CPNE7: variants seen among roughly 807,000 people sequenced by gnomAD.
CPNE7 encodes the protein copine-7.
CPNE7 carries 78 observed loss-of-function variants against 66.5 expected under a neutral mutation model. The observed-to-expected ratio is 1.17, with a 90% CI of 0.98 to 1.42. The LOEUF (loss-of-function observed/expected upper bound fraction) is 1.42, where lower values mean the gene tolerates loss of function less well. Among genes scored for constraint, CPNE7 ranks in the 40% most tolerant of loss-of-function variants. CPNE7 has a pLI of 0.00. For missense variants in CPNE7, 1,012 were observed against 776.6 expected, an observed-to-expected ratio of 1.30 and a Z score of -3.60; for synonymous variants, 468 against 336.7, an observed-to-expected ratio of 1.39 and a Z score of -4.27.
chr16:89,579,592 AGAACATCCCTTCACCCATCACACG>A (rs2058916066), intron 2 of CPNE7, among the ~76,000 whole-genome samples: 1 of 148,632 alleles, frequency 6.7e-6, no homozygotes, highest in African/African-American at 2.5e-5. Context: ...CCCGTCACAC[AGAACATCCCTTCACCCATCACACG>A]GAACATCCCA....
At chr16:89,590,963 G>A (rs2059158025) in intron 11 of CPNE7, 44 bp from the exon 12 acceptor site, 5 of 1,610,820 alleles carry the variant, frequency 3.1e-6, no homozygotes, top group Non-Finnish European at 3.4e-6. Flanking sequence ...CCAGTGGGGT[G>A]TGTTGCAACG....
At position 89,583,685 on chromosome 16, in the gene CPNE7, T is replaced by C. The variant is rs1055666923; in HGVS notation, c.358-12T>C. On this transcript the variant is annotated splice_polypyrimidine_tract_variant and intron_variant, in intron 2 of 14. Coordinates refer to ENST00000319518, the MANE Select transcript of CPNE7 (RefSeq NM_153636.3). ...CGCCTGCCCCTCCCTGCCTGACGCCTCTGACTTACAGATTGTGGCCCAGAA... is the reference window on the plus strand; with the variant it reads ...CGCCTGCCCCTCCCTGCCTGACGCCCCTGACTTACAGATTGTGGCCCAGAA... 1 of 1,612,714 alleles carries C rather than the reference T, an allele frequency of 6.2e-7. No homozygotes were observed. Among genetic ancestry groups the C allele is most frequent in the Non-Finnish European group, 8.5e-7 (1 of 1,179,872 alleles).
chr16:89,587,084 C>T lies in CPNE7; in HGVS notation c.909C>T (p.Gly303=). 1 of 1,572,656 alleles carries T rather than the reference C, an allele frequency of 6.4e-7. No individual in the cohort carries two copies. Among genetic ancestry groups the T allele is most frequent in the Non-Finnish European group, 8.6e-7 (1 of 1,159,526 alleles). ...VYSFLDYIMG[G]CQIHFTVAID... ...CCTTCCTGGACTATATCATGGGCGG[C>T]TGCCAGATCCACTTCACCGTGAGTC... Residue 303 remains glycine (G), a synonymous_variant, in exon 9 of 15, where the codon GGC becomes GGT. Coordinates refer to ENST00000319518, the MANE Select transcript of CPNE7 (RefSeq NM_153636.3).
intron 13 of CPNE7, among the ~76,000 whole-genome samples, chr16:89,594,476 G>A (rs2151462198): frequency 6.6e-6 from 1 of 152,152 alleles, no homozygotes; most frequent in African/African-American, 2.4e-5. Context: ...AGTGGGACGG[G>A]CTCAGTCAAG....
At position 89,576,531 on chromosome 16, in the gene CPNE7, C is replaced by G. The variant is rs1474706638; in HGVS notation, c.174+460C>G. On this transcript the variant is annotated intron_variant, in intron 1 of 14. Coordinates refer to ENST00000319518, the MANE Select transcript of CPNE7 (RefSeq NM_153636.3). ...CGGACCTCCAGGCGTCCGGGGCTCC[C>G]GCTCCAACGTGGGTCTCAAGCGAAC... Among the ~76,000 whole-genome samples the G allele has an allele frequency of 3.9e-5, 6 of 152,250 alleles. No individual in the cohort carries two copies. The East Asian group carries it at 1.2e-3, about 29-fold the overall frequency.
At position 89,585,363 on chromosome 16, in the gene CPNE7, G is replaced by A. The variant is rs1161229429; in HGVS notation, c.592-101G>A. ...CTGGGGTGATGCAGGGGCAGGGCCA[G>A]CTGTGCCCGCCTCACAGCTGCTCTT... On this transcript the variant is annotated intron_variant, in intron 5 of 14. Coordinates refer to ENST00000319518, the MANE Select transcript of CPNE7 (RefSeq NM_153636.3). 6 of 820,436 alleles carry A rather than the reference G, an allele frequency of 7.3e-6. No individual in the cohort carries two copies. The East Asian group carries it at 1.6e-4, about 22-fold the overall frequency. The allele number at this position is 820,436 out of a possible 1,614,324, so 50.8% of individuals were successfully genotyped here. A position where few individuals can be genotyped will look rare whatever the true frequency, so the allele number is the denominator to read the frequency against.
At chr16:89,594,566 C>T (rs2059222731) in intron 13 of CPNE7, among the ~76,000 whole-genome samples, 2 of 151,516 alleles carry the variant, frequency 1.3e-5, no homozygotes, top group African/African-American at 4.9e-5. Context: ...TCCCGTTGTC[C>T]ACAGTTTGGG....
Position 89,596,804 on chromosome 16 carries a change from G to A in CPNE7, c.*183G>A, listed in dbSNP as rs542098337. 3.8e-4 allele frequency: 266 copies of A among 705,834 alleles called. 1 individual carries two copies. The South Asian group carries it at 6.7e-3, about 18-fold the overall frequency. The allele number at this position is 705,834 out of a possible 1,614,324, so 43.7% of individuals were successfully genotyped here. ...GCCCGGCTCTGGGGCCCCCAAGGCC[G>A]AAGGGTGACAAAATACAGGCCCCCA... is the stretch of plus-strand genomic sequence containing the variant. On this transcript the variant is annotated 3_prime_UTR_variant, in exon 15 of 15. Transcript: ENST00000319518.
chr16:89,594,642 CTTTTTTTTTTTTTT>C (rs57032352), intron 13 of CPNE7, among the ~76,000 whole-genome samples: 4,501 of 86,908 alleles, frequency 0.052, 367 homozygotes, highest in African/African-American at 0.18. Flanking sequence ...TCCATTCTGC[CTTTTTTTTTTTTTT>C]TTTTTTTTTT....
At chr16:89,579,067 G>C (rs145537839) in intron 2 of CPNE7, 14 of 1,157,368 alleles carry the variant, frequency 1.2e-5, no homozygotes, top group Non-Finnish European at 1.7e-5. Context: ...GAGGTGGGGG[G>C]ATCACGAGGT....
chr16:89,592,451 T>A, intron 13 of CPNE7, among the ~76,000 whole-genome samples: 1 of 150,080 alleles, frequency 6.7e-6, no homozygotes, highest in Non-Finnish European at 1.5e-5. Flanking sequence ...TTTTTCAATT[T>A]TTTTTTTTTT....
At position 89,595,355 on chromosome 16, in the gene CPNE7, C is replaced by G; in HGVS notation, c.1303-12C>G. The G allele has an allele frequency of 6.4e-7, 1 of 1,552,388 alleles. No homozygotes were observed. The highest frequency in any genetic ancestry group is 8.7e-7 in the Non-Finnish European group (1 of 1,143,234). ...AGGTGTGGTGTTGCTGATGCCTTTCCTGTGCCCCCAGCAATACTACATCCT... is the reference window on the plus strand; with the variant it reads ...AGGTGTGGTGTTGCTGATGCCTTTCGTGTGCCCCCAGCAATACTACATCCT... On this transcript the variant is annotated splice_polypyrimidine_tract_variant and intron_variant, in intron 13 of 14. Transcript: ENST00000319518.
rs754974067 is a variant in CPNE7 at position 89,595,558 on chromosome 16, G to C, written c.1494G>C (p.Ala498=). The C allele has an allele frequency of 6.2e-7, 1 of 1,611,796 alleles. No homozygotes were observed. Among genetic ancestry groups the C allele is most frequent in the Non-Finnish European group, 8.5e-7 (1 of 1,179,340 alleles). Residue 498 remains alanine, a synonymous_variant, in exon 14 of 15, where the codon GCG becomes GCC. Coordinates refer to ENST00000319518, the MANE Select transcript of CPNE7 (RefSeq NM_153636.3). ...GVLRSPRGEP[A]LRDIVQFVPF... Reference sequence around the variant, plus strand: ...TGCGCTCCCCACGGGGTGAGCCCGCGCTCCGGGACATCGTACAGTTCGTGC... The same window carrying C: ...TGCGCTCCCCACGGGGTGAGCCCGCCCTCCGGGACATCGTACAGTTCGTGC...
chr16:89,576,161 C>T (rs2058855859), intron 1 of CPNE7, 90 bp downstream of exon 1: 2 of 1,127,924 alleles, frequency 1.8e-6, no homozygotes, highest in African/African-American at 3.2e-5. Flanking sequence ...CGCGCTGAGG[C>T]CAGTGGGGCG....
At chr16:89,585,404 TC>T (rs778439128) in intron 5 of CPNE7, 59 bp from the exon 6 acceptor site, 12 of 1,199,074 alleles carry the variant, frequency 1.0e-5, no homozygotes, top group African/African-American at 7.6e-5. Context: ...CAGGTCTCTA[TC>T]CCCCCCAAGG....
In CPNE7 at chr16:89,588,705, G is replaced by C; in HGVS notation, c.958G>C (p.Asp320His). 7 of 1,613,430 alleles carry C rather than the reference G, an allele frequency of 4.3e-6. No homozygotes were observed. Among genetic ancestry groups the C allele is most frequent in the South Asian group, 1.1e-5 (1 of 91,086 alleles). ...CATTGACTTCACCGCCTCCAATGGAGACCCGCGGAACAGCTGCTCCCTGCA... is the reference window on the plus strand; with the variant it reads ...CATTGACTTCACCGCCTCCAATGGACACCCGCGGAACAGCTGCTCCCTGCA... ...VAIDFTASNGDPRNSCSLHYI... is the reference protein window; with the variant it reads ...VAIDFTASNGHPRNSCSLHYI... Residue 320 changes from aspartate (D) to histidine (H), a missense_variant, in exon 10 of 15, where the codon GAC becomes CAC. Coordinates refer to ENST00000319518, the MANE Select transcript of CPNE7 (RefSeq NM_153636.3).
At position 89,584,676 on chromosome 16, in the gene CPNE7, G is replaced by A; in HGVS notation, c.508-98G>A. ...TTTTGTGCCTGAGGAATTAGCGGCTGGTGGCATGAAGTGAGCCCTGGGAAA... is the reference window on the plus strand; with the variant it reads ...TTTTGTGCCTGAGGAATTAGCGGCTAGTGGCATGAAGTGAGCCCTGGGAAA... On this transcript the variant is annotated intron_variant, in intron 4 of 14. Transcript: ENST00000319518. This position sits in a 1 kb window ranked among gnomAD's most constrained non-coding sequence, Gnocchi z 6.0. 1 of 843,332 alleles carries A rather than the reference G, an allele frequency of 1.2e-6. No homozygotes were observed. The highest frequency in any genetic ancestry group is 2.0e-6 in the Non-Finnish European group (1 of 512,152). The allele number at this position is 843,332 out of a possible 1,614,324, so 52.2% of individuals were successfully genotyped here.
intron 2 of CPNE7, among the ~76,000 whole-genome samples, chr16:89,579,977 C>T (rs183139036): frequency 7.5e-5 from 3 of 40,170 alleles, no homozygotes; most frequent in East Asian, 4.4e-4. Context: ...ACCCGTCACA[C>T]GGAACATCCC....
chr16:89,585,155 CTTTT>C (rs1259302089), intron 5 of CPNE7, among the ~76,000 whole-genome samples: 1 of 152,238 alleles, frequency 6.6e-6, no homozygotes, highest in Non-Finnish European at 1.5e-5. Context: ...AGAGTGCTTT[CTTTT>C]GAGAGAAATT....
Sources: gnomAD v4.1 joint callset for allele counts (sites outside exome capture counted in the v4.1 genomes callset) on GRCh38, gnomAD v4.1.1 for gene constraint, Gnocchi (gnomAD v3.1) non-coding constraint, MANE v1.5 for transcripts, NCBI Gene and HGNC (gene_info 2026-07-23, HGNC 2026-07-21) for gene names.